The following SPTBN2 variants were observed in gnomAD, a reference collection of about 807,000 sequenced individuals.
The protein encoded by SPTBN2 is spectrin beta chain, non-erythrocytic 2.
In SPTBN2, 107 loss-of-function variants were observed where a neutral mutation model predicts 284.2. That is an observed-to-expected ratio of 0.38 (90% CI 0.32 to 0.44). SPTBN2 has a LOEUF of 0.44. Ranked by LOEUF, SPTBN2 falls within the 20% of genes least tolerant of loss-of-function variation. The pLI is 1.00. For synonymous variants in SPTBN2, 1,289 were observed against 1,354.8 expected, an observed-to-expected ratio of 0.95 and a Z score of 1.07; for missense variants, 2,569 against 3,287.1, an observed-to-expected ratio of 0.78 and a Z score of 5.34.
At chr11:66,725,887 A>G (rs1942605102) in intron 1 of SPTBN2, among the ~76,000 whole-genome samples, 1 of 152,016 alleles carries the variant, frequency 6.6e-6, no homozygotes, top group Non-Finnish European at 1.5e-5. Context: ...CTTGTATCCT[A>G]ATTCTTCCTC....
rs1304442241 is a variant in SPTBN2 at position 66,710,669 on chromosome 11, T to C, written c.986A>G (p.Asn329Ser). Residue 329 changes from asparagine (N) to serine (S), a missense_variant, in exon 10 of 38, where the codon AAT (asparagine) becomes AGT (serine). This residue lies in a region of SPTBN2 where 304 missense variants were observed against 522.1 expected (regional missense o/e 0.58). Coordinates refer to ENST00000533211, the MANE Select transcript of SPTBN2 (RefSeq NM_006946.4). This position sits in a 1 kb window ranked among gnomAD's most constrained non-coding sequence, Gnocchi z 4.9. Reference sequence around the variant, plus strand: ...AAGGGAGTTGGCCAACTGCCGGTCATTGAGGGTCACGATCGTTTGCTCGAT... The same window carrying C: ...AAGGGAGTTGGCCAACTGCCGGTCACTGAGGGTCACGATCGTTTGCTCGAT... Reference protein sequence around the residue: ...QWIEQTIVTLNDRQLANSLSG... With the variant: ...QWIEQTIVTLSDRQLANSLSG... 6.8e-6 allele frequency: 11 copies of C among 1,614,072 alleles called. No homozygotes were observed. The highest frequency in any genetic ancestry group is 2.7e-5 in the African/African-American group (2 of 74,944).
Position 66,710,596 on chromosome 11 carries a change from C to T in SPTBN2, c.1059G>A (p.Val353=), listed in dbSNP as rs2135488623. ...GGGACACCTACTTGGGCGGCTTCTC[C>T]ACGGTGCGGTAGGAGTTGAAGGACT... ...QLQSFNSYRT[V]EKPPKFTEKG... Residue 353 remains valine (V), a synonymous_variant, in exon 10 of 38, where the codon GTG becomes GTA. Transcript: ENST00000533211. This position sits in a 1 kb window ranked among gnomAD's most constrained non-coding sequence, Gnocchi z 4.9. The T allele has an allele frequency of 6.2e-7, 1 of 1,613,888 alleles. No homozygotes were observed. Among genetic ancestry groups the T allele is most frequent in the Non-Finnish European group, 8.5e-7 (1 of 1,179,930 alleles).
intron 1 of SPTBN2, chr11:66,728,154 C>T (rs1345968228): frequency 6.8e-6 from 1 of 146,636 alleles, no homozygotes; most frequent in Non-Finnish European, 1.5e-5. Flanking sequence ...GGGGCGCCGG[C>T]ACCTACCTCG....
chr11:66,720,983 G>C, intron 3 of SPTBN2, 101 bp downstream of exon 3: 1 of 1,521,866 alleles, frequency 6.6e-7, no homozygotes. Context: ...CTCCCACTTA[G>C]AAAGAAAAGT....
chr11:66,695,268 A>AT (rs977837847), intron 21 of SPTBN2, among the ~76,000 whole-genome samples: 1 of 152,152 alleles, frequency 6.6e-6, no homozygotes, highest in Non-Finnish European at 1.5e-5. Context: ...TTTTTAAAAA[A>AT]TTTTTTGAGA....
At position 66,691,229 on chromosome 11, in the gene SPTBN2, A is replaced by C. The variant is rs971598065; in HGVS notation, c.5565+55T>G. On this transcript the variant is annotated intron_variant, in intron 27 of 37. Coordinates refer to ENST00000533211, the MANE Select transcript of SPTBN2 (RefSeq NM_006946.4). The surrounding 1 kb of genome is among the most constrained non-coding windows in gnomAD (Gnocchi z 8.0). The stretch of plus-strand genomic sequence containing the variant: ...CTAGCTCCTGGGAACTCTCCCCGGC[A>C]TTTCCCCCATGGCCTCCTCTAAGCC... 26 of 1,499,772 alleles carry C rather than the reference A, an allele frequency of 1.7e-5. No homozygotes were observed. Among genetic ancestry groups the C allele is most frequent in the Non-Finnish European group, 2.2e-5 (25 of 1,123,668 alleles). 92.9% of individuals were successfully genotyped at this position (1,499,772 alleles called of 1,614,324 possible).
chr11:66,740,782 G>T lies in SPTBN2; in HGVS notation c.-475+3760C>A, dbSNP rs891880013. Among the ~76,000 whole-genome samples the T allele has an allele frequency of 3.3e-5, 5 of 152,260 alleles. No homozygotes were observed. In the East Asian group the frequency reaches 7.7e-4, roughly 24 times the overall value. On this transcript the variant is annotated intron_variant, in intron 1 of 37. Transcript: ENST00000611817. The stretch of plus-strand genomic sequence containing the variant: ...GGAGTCTTCAAATGGACTTCCTTTT[G>T]CATCAGCTTGGAAAGGCGGACCTCA...
rs778373531 is a variant in SPTBN2 at position 66,739,937 on chromosome 11, CAGG to C, written c.-475+4602_-475+4604del. On this transcript the variant is annotated intron_variant, in intron 1 of 37. Coordinates refer to the SPTBN2 transcript ENST00000611817. Reference sequence around the variant, plus strand: ...ATCCCAGCTGCTCGTGAGGCTGAGGCAGGAGAATAGCTTGAACCCAGGAGATGG... The same window carrying C: ...ATCCCAGCTGCTCGTGAGGCTGAGGCAGAATAGCTTGAACCCAGGAGATGG... 2.0e-5 allele frequency among the ~76,000 whole-genome samples: 3 copies of C among 152,254 alleles called. No homozygotes were observed. The East Asian group carries it at 5.8e-4, about 29-fold the overall frequency.
Position 66,693,991 on chromosome 11 carries a change from G to A in SPTBN2, c.4504-130C>T. 7.7e-7 allele frequency: 1 copy of A among 1,291,958 alleles called. No homozygotes were observed. The highest frequency in any genetic ancestry group is 2.4e-5 in the East Asian group (1 of 40,984). 80.0% of individuals were successfully genotyped at this position (1,291,958 alleles called of 1,614,324 possible). A position where few individuals can be genotyped will look rare whatever the true frequency, so the allele number is the denominator to read the frequency against. On this transcript the variant is annotated intron_variant, in intron 22 of 37. Transcript: ENST00000533211. This position sits in a 1 kb window ranked among gnomAD's most constrained non-coding sequence, Gnocchi z 5.7. The stretch of plus-strand genomic sequence containing the variant: ...GAACAGTCATCTCTGGTTCTGGGAG[G>A]CATCTCCAAGTCTCCCTATAGGGGA...
At position 66,699,475 on chromosome 11, in the gene SPTBN2, C is replaced by T. The variant is rs372553453; in HGVS notation, c.3707G>A (p.Arg1236His). ...ERIHGLLEAG[R>H]QLVSEGNIHA... ...GATGTTGCCTTCAGATACCAGCTGG[C>T]GGCCAGCCTCCAGGAGCCCGTGGAT... The change falls in exon 18 of 38, where the codon CGC becomes CAC. Residue 1236 changes from arginine to histidine, a missense_variant. Transcript: ENST00000533211. The T allele has an allele frequency of 2.8e-5, 45 of 1,614,024 alleles. No homozygotes were observed. The African/African-American group carries it at 2.8e-4, about 10-fold the overall frequency.
rs1244445530 is a variant in SPTBN2 at position 66,700,895 on chromosome 11, C to T, written c.3204G>A (p.Gln1068=). The change falls in exon 17 of 38, where the codon CAG becomes CAA. Residue 1068 remains glutamine, a synonymous_variant. Coordinates refer to ENST00000533211, the MANE Select transcript of SPTBN2 (RefSeq NM_006946.4). This position sits in a 1 kb window ranked among gnomAD's most constrained non-coding sequence, Gnocchi z 6.6. ...EESLGEARRL[Q]DFLRSLDDFQ... ...AGTCATCCAAGCTGCGCAAGAAGTCCTGCAGCCGCCGCGCCTCCCCCAGCG... is the reference window on the plus strand; with the variant it reads ...AGTCATCCAAGCTGCGCAAGAAGTCTTGCAGCCGCCGCGCCTCCCCCAGCG... The T allele has an allele frequency of 6.2e-7, 1 of 1,600,412 alleles. No homozygotes were observed.
Position 66,693,686 on chromosome 11 carries a change from G to T in SPTBN2, c.4593+86C>A. The T allele has an allele frequency of 7.2e-7, 1 of 1,396,192 alleles. No individual in the cohort carries two copies. The highest frequency in any genetic ancestry group is 1.2e-5 in the South Asian group (1 of 80,632). 86.5% of individuals were successfully genotyped at this position (1,396,192 alleles called of 1,614,324 possible). ...GAAGTCCAGGGTTACACTCAGCATC[G>T]AGGGGGGCCTGGTCTTAAGAAAAAA... On this transcript the variant is annotated intron_variant, in intron 23 of 37. Coordinates refer to ENST00000533211, the MANE Select transcript of SPTBN2 (RefSeq NM_006946.4). This position sits in a 1 kb window ranked among gnomAD's most constrained non-coding sequence, Gnocchi z 5.7.
chr11:66,701,780 C>T (rs1941263061), intron 15 of SPTBN2, 59 bp from the exon 16 acceptor site: 1 of 1,611,996 alleles, frequency 6.2e-7, no homozygotes. Context: ...CCCAGTCCAC[C>T]TAAGTCCACC....
At position 66,688,057 on chromosome 11, in the gene SPTBN2, A is replaced by G. The variant is rs768346585; in HGVS notation, c.6397T>C (p.Ser2133Pro). Residue 2133 changes from serine (S) to proline (P), a missense_variant, in exon 33 of 38, where the codon TCC becomes CCC. Physicochemically the swap from Ser to Pro is moderately conservative, Grantham distance 74. Transcript: ENST00000533211. The stretch of plus-strand genomic sequence containing the variant: ...CCATTAACACTGGGTGCTTGTGTGG[A>G]TGGTGGTGGCCGTGGCTGGGTTCTG... ...WDGTQPRPPP[S>P]TQAPSVNGVC... 1.9e-6 allele frequency: 3 copies of G among 1,614,092 alleles called. No homozygotes were observed. Among genetic ancestry groups the G allele is most frequent in the East Asian group, 2.2e-5 (1 of 44,868 alleles).
At position 66,691,190 on chromosome 11, in the gene SPTBN2, T is replaced by C; in HGVS notation, c.5565+94A>G. On this transcript the variant is annotated intron_variant, in intron 27 of 37. Transcript: ENST00000533211. The surrounding 1 kb of genome is among the most constrained non-coding windows in gnomAD (Gnocchi z 8.0). ...CGAAAGAGTGCCGTCCTCCCAGCAT[T>C]TCTGAGCTCTACCCTAGCTCCTGGG... The C allele has an allele frequency of 6.9e-7, 1 of 1,452,184 alleles. No homozygotes were observed. Among genetic ancestry groups the C allele is most frequent in the Non-Finnish European group, 9.1e-7 (1 of 1,095,818 alleles). 90.0% of individuals were successfully genotyped at this position (1,452,184 alleles called of 1,614,324 possible). A position where few individuals can be genotyped will look rare whatever the true frequency, so the allele number is the denominator to read the frequency against.
At chr11:66,694,633 ATATAACT>A (rs1384550177) in intron 21 of SPTBN2, among the ~76,000 whole-genome samples, 1 of 152,224 alleles carries the variant, frequency 6.6e-6, no homozygotes, top group Non-Finnish European at 1.5e-5. Context: ...GCATCACACA[ATATAACT>A]TATAACAAAC....
intron 1 of SPTBN2, among the ~76,000 whole-genome samples, chr11:66,740,582 T>C (rs1942889237): frequency 6.6e-6 from 1 of 152,148 alleles, no homozygotes; most frequent in Non-Finnish European, 1.5e-5. Flanking sequence ...CATGGCCCCA[T>C]TTCCAAGGAT....
chr11:66,729,228 G>T (rs1474592086), upstream of SPTBN2: 1 of 152,180 alleles, frequency 6.6e-6, no homozygotes, highest in South Asian at 2.1e-4. Flanking sequence ...CCCAAATCAT[G>T]ACAAACTCAC....
intron 8 of SPTBN2, 53 bp from the exon 9 acceptor site, chr11:66,711,082 G>C (rs1170580932): frequency 6.8e-7 from 1 of 1,474,474 alleles, no homozygotes; most frequent in Non-Finnish European, 9.5e-7. Context: ...TCCATAACTT[G>C]CATCACTTAC....
Sources: allele counts gnomAD v4.1 joint callset (sites outside exome capture counted in the v4.1 genomes callset), GRCh38; gene constraint gnomAD v4.1.1; regional missense constraint gnomAD v4.1.1; non-coding constraint Gnocchi (gnomAD v3.1); transcripts MANE v1.5; gene names NCBI Gene and HGNC (gene_info 2026-07-23, HGNC 2026-07-21).